Variants in VGLL3 observed in about 807,000 individuals in gnomAD.
VGLL3 encodes vestigial like family member 3.
In VGLL3, 18 loss-of-function variants were observed where a neutral mutation model predicts 29.2. The observed-to-expected ratio is 0.62, with a 90% CI of 0.43 to 0.91. VGLL3 has a LOEUF of 0.91. VGLL3 is among the 40% of genes least tolerant of loss of function. VGLL3 has a pLI of 0.00. For missense variants in VGLL3, 440 were observed against 413.2 expected (o/e 1.06, Z -0.56); for synonymous variants, 180 against 151.8 (o/e 1.19, Z -1.36).
At chr3:86,977,136 A>G (rs1010252025) in intron 2 of VGLL3, among the ~76,000 whole-genome samples, 3 of 151,964 alleles carry the variant, frequency 2.0e-5, no homozygotes, top group African/African-American at 4.8e-5. Context: ...TTTGTATTCC[A>G]CCTTCCCCTT....
At chr3:86,962,230 T>C (rs1485221702) in intron 3 of VGLL3, 1 of 985,416 alleles carries the variant, frequency 1.0e-6, no homozygotes, top group African/African-American at 1.7e-5. Flanking sequence ...CATTTCAAGG[T>C]ACCTGTATGT....
At chr3:86,961,356 CT>C (rs1704834362) in intron 3 of VGLL3, among the ~76,000 whole-genome samples, 1 of 152,112 alleles carries the variant, frequency 6.6e-6, no homozygotes, top group Admixed American at 6.5e-5. Context: ...TTAATTTAAA[CT>C]TGGCTGGAAT....
intron 2 of VGLL3, among the ~76,000 whole-genome samples, chr3:86,970,488 C>CACAG (rs973109758): frequency 5.6e-5 from 6 of 106,838 alleles, no homozygotes; most frequent in African/African-American, 2.9e-4. Context: ...CACACGCACA[C>CACAG]ACACACACAC....
chr3:86,955,608 C>G (rs996032337), intron 3 of VGLL3, among the ~76,000 whole-genome samples: 2 of 152,088 alleles, frequency 1.3e-5, no homozygotes, highest in African/African-American at 4.8e-5. Context: ...CCAGGCTGGT[C>G]TCAAACTCCT....
intron 3 of VGLL3, 77 bp downstream of exon 3, chr3:86,968,512 AT>A (rs1388570466): frequency 6.8e-7 from 1 of 1,473,240 alleles, no homozygotes; most frequent in Non-Finnish European, 9.1e-7. Flanking sequence ...ATAAGAAAAA[AT>A]AATTTCAAAA....
intron 2 of VGLL3, among the ~76,000 whole-genome samples, chr3:86,976,504 T>C (rs1170927736): frequency 6.6e-6 from 1 of 152,216 alleles, no homozygotes; most frequent in African/African-American, 2.4e-5. Context: ...AATATGTCAA[T>C]GAATAAAACA....
intron 1 of VGLL3, among the ~76,000 whole-genome samples, chr3:86,981,088 C>A (rs1218176803): frequency 6.6e-6 from 1 of 151,912 alleles, no homozygotes; most frequent in Non-Finnish European, 1.5e-5. Context: ...TAATTGACAG[C>A]AATTAATTCT....
At chr3:86,967,232 A>G (rs1184287711) in intron 3 of VGLL3, among the ~76,000 whole-genome samples, 2 of 152,118 alleles carry the variant, frequency 1.3e-5, no homozygotes, top group Non-Finnish European at 2.9e-5. Flanking sequence ...CTGTCCATGA[A>G]GGCAGCTGCC....
chr3:86,966,027 T>A (rs1704950831), intron 3 of VGLL3, among the ~76,000 whole-genome samples: 1 of 152,196 alleles, frequency 6.6e-6, no homozygotes, highest in South Asian at 2.1e-4. Flanking sequence ...TGTCATTATA[T>A]CTGAGTTTAG....
chr3:86,988,541 A>G (rs1705499471), intron 1 of VGLL3, among the ~76,000 whole-genome samples: 1 of 151,110 alleles, frequency 6.6e-6, no homozygotes, highest in African/African-American at 2.4e-5. Context: ...TAGGTCATCA[A>G]AATAAACTTC....
intron 3 of VGLL3, among the ~76,000 whole-genome samples, chr3:86,956,792 C>CAAAAAAA (rs55781336): frequency 1.1e-5 from 1 of 90,852 alleles, no homozygotes; most frequent in Non-Finnish European, 2.1e-5. Context: ...CCCACCGTCC[C>CAAAAAAA]AAAAAAAAAA....
intron 1 of VGLL3, 187 bp downstream of exon 1, chr3:86,990,431 C>T: frequency 1.0e-6 from 1 of 977,276 alleles, no homozygotes. Context: ...CATGCCTCAC[C>T]CACCCGTCCA....
intron 2 of VGLL3, among the ~76,000 whole-genome samples, chr3:86,969,818 G>A (rs1219902132): frequency 6.6e-6 from 1 of 151,872 alleles, no homozygotes; most frequent in African/African-American, 2.4e-5. Context: ...GGCTTTTCAT[G>A]GATAATCTCA....
At chr3:86,970,492 C>CACACAT (rs1705074266) in intron 2 of VGLL3, among the ~76,000 whole-genome samples, 1 of 114,504 alleles carries the variant, frequency 8.7e-6, no homozygotes, top group Non-Finnish European at 1.8e-5. Context: ...CGCACACACA[C>CACACAT]ACACACACAC....
At chr3:86,963,872 A>G (rs945208946) in intron 3 of VGLL3, among the ~76,000 whole-genome samples, 1 of 152,230 alleles carries the variant, frequency 6.6e-6, no homozygotes, top group South Asian at 2.1e-4. Context: ...CATGCCGTCC[A>G]CTAACTCTCC....
chr3:86,971,622 T>C (rs1462513555), intron 2 of VGLL3, among the ~76,000 whole-genome samples: 2 of 152,220 alleles, frequency 1.3e-5, no homozygotes, highest in African/African-American at 2.4e-5. Context: ...GAGGTAACTA[T>C]GTTTTCTTGA....
intron 3 of VGLL3, among the ~76,000 whole-genome samples, chr3:86,952,024 C>A (rs1704628231): frequency 6.6e-6 from 1 of 152,002 alleles, no homozygotes; most frequent in Non-Finnish European, 1.5e-5. Flanking sequence ...AACAGCAGTC[C>A]AGGATAAGAA....
chr3:86,972,602 T>C (rs1456854563), intron 2 of VGLL3, among the ~76,000 whole-genome samples: 2 of 152,212 alleles, frequency 1.3e-5, no homozygotes, highest in Non-Finnish European at 2.9e-5. Flanking sequence ...TCTTTGCTTA[T>C]GAGTACTTAA....
intron 2 of VGLL3, among the ~76,000 whole-genome samples, chr3:86,970,636 G>T (rs891802813): frequency 1.3e-5 from 2 of 152,006 alleles, no homozygotes; most frequent in African/African-American, 4.8e-5. Flanking sequence ...GCTGGCCATG[G>T]TACTGAATGT....
Sources: gnomAD v4.1 joint callset for allele counts (sites outside exome capture counted in the v4.1 genomes callset) on GRCh38, gnomAD v4.1.1 for gene constraint, MANE v1.5 for transcripts, NCBI Gene and HGNC (gene_info 2026-07-23, HGNC 2026-07-21) for gene names.